The following TOP2B variants were observed in gnomAD, a reference collection of about 807,000 sequenced individuals.
TOP2B encodes the protein DNA topoisomerase 2-beta.
In TOP2B, 51 loss-of-function variants were observed where a neutral mutation model predicts 193.5. The ratio of observed to expected loss-of-function variants is 0.26; its 90% CI spans 0.21 to 0.33. The LOEUF is 0.33. TOP2B is among the 10% of genes least tolerant of loss of function. The pLI is 1.00. For missense variants in TOP2B, 1,378 were observed against 1,909.3 expected, an observed-to-expected ratio of 0.72 and a Z score of 5.19; for synonymous variants, 634 against 635.7, an observed-to-expected ratio of 1.00 and a Z score of 0.04.
intron 1 of TOP2B, among the ~76,000 whole-genome samples, chr3:25,647,566 GTCTA>G (rs758672379): frequency 2.6e-5 from 4 of 151,762 alleles, no homozygotes; most frequent in Non-Finnish European, 5.9e-5. Context: ...AGAGGCTCAT[GTCTA>G]TCTAATTTGT....
intron 7 of TOP2B, among the ~76,000 whole-genome samples, chr3:25,635,392 T>C (rs1006373897): frequency 6.6e-6 from 1 of 152,218 alleles, no homozygotes; most frequent in Non-Finnish European, 1.5e-5. Context: ...ACAGAGTAAG[T>C]ATCTCACAGA....
intron 5 of TOP2B, 45 bp downstream of exon 5, chr3:25,638,120 T>A (rs1448554613): frequency 1.3e-6 from 2 of 1,498,580 alleles, no homozygotes; most frequent in East Asian, 4.9e-5. Flanking sequence ...ACATTTTATA[T>A]TAAGAAAACA....
chr3:25,634,330 G>GA (rs1485085395), intron 7 of TOP2B, among the ~76,000 whole-genome samples: 1 of 151,926 alleles, frequency 6.6e-6, no homozygotes, highest in Non-Finnish European at 1.5e-5. Flanking sequence ...GAACTAGCAG[G>GA]AAAAAAAGCT....
intron 33 of TOP2B, among the ~76,000 whole-genome samples, chr3:25,603,376 C>CT (rs986999994): frequency 5.9e-5 from 9 of 151,980 alleles, no homozygotes; most frequent in Non-Finnish European, 7.4e-5. Flanking sequence ...GTAGCTGGGA[C>CT]TACAGGCATG....
chr3:25,618,542 A>T, intron 24 of TOP2B, 33 bp from the exon 25 acceptor site: 3 of 1,573,200 alleles, frequency 1.9e-6, no homozygotes, highest in Non-Finnish European at 2.6e-6. Context: ...TAGGATCAAG[A>T]TAAGAGATTC....
rs1386156382 is a variant in TOP2B, at chr3:25,645,282, A to G, written c.240+18T>C. 4 of 1,510,284 alleles carry G rather than the reference A, an allele frequency of 2.6e-6. No individual in the cohort carries two copies. The East Asian group carries it at 9.3e-5, about 35-fold the overall frequency. 93.6% of individuals were successfully genotyped at this position (1,510,284 alleles called of 1,614,324 possible). On this transcript the variant is annotated intron_variant, in intron 2 of 35. Coordinates refer to ENST00000264331, the MANE Select transcript of TOP2B (RefSeq NM_001330700.2). ...AGATGCACATCTCCTAATTTCAATC[A>G]ATTTTAGCAATAATTACCTGCGTCA... is the stretch of plus-strand genomic sequence containing the variant.
At chr3:25,599,622 C>T in intron 34 of TOP2B, 93 bp from the exon 35 acceptor site, 1 of 1,189,728 alleles carries the variant, frequency 8.4e-7, no homozygotes, top group African/African-American at 1.5e-5. Flanking sequence ...TTTGGCATGC[C>T]CAATCAGTGG....
At chr3:25,624,071 G>A (rs567168991) in intron 20 of TOP2B, among the ~76,000 whole-genome samples, 1 of 152,202 alleles carries the variant, frequency 6.6e-6, no homozygotes, top group African/African-American at 2.4e-5. Context: ...AGTAAAGTTG[G>A]TGAGAAAAAC....
At chr3:25,662,707 A>T (rs1162350839) in intron 1 of TOP2B, among the ~76,000 whole-genome samples, 2 of 152,232 alleles carry the variant, frequency 1.3e-5, no homozygotes, top group African/African-American at 4.8e-5. Flanking sequence ...AGTTAATTAA[A>T]GTACTGCTAT....
chr3:25,627,986 A>G (rs1293029135), intron 15 of TOP2B, among the ~76,000 whole-genome samples: 1 of 151,716 alleles, frequency 6.6e-6, no homozygotes, highest in Non-Finnish European at 1.5e-5. Context: ...ACTTGAACAC[A>G]TGAGGAAGAG....
intron 3 of TOP2B, among the ~76,000 whole-genome samples, chr3:25,642,780 T>C (rs1703301234): frequency 6.6e-6 from 1 of 152,174 alleles, no homozygotes; most frequent in African/African-American, 2.4e-5. Flanking sequence ...AACTAGTGAC[T>C]TTATAGGCAT....
At chr3:25,640,002 T>A (rs2125390405) in intron 4 of TOP2B, among the ~76,000 whole-genome samples, 1 of 152,234 alleles carries the variant, frequency 6.6e-6, no homozygotes, top group Non-Finnish European at 1.5e-5. Context: ...ACTCAAAGGA[T>A]ACAAAAATGG....
At chr3:25,644,962 A>ATCT (rs1559506679) in intron 2 of TOP2B, among the ~76,000 whole-genome samples, 1 of 144,652 alleles carries the variant, frequency 6.9e-6, no homozygotes, top group Non-Finnish European at 1.5e-5. Context: ...CACCCAGAAA[A>ATCT]TTTTTTTTTT....
intron 23 of TOP2B, among the ~76,000 whole-genome samples, chr3:25,619,275 T>C (rs536552679): frequency 1.3e-5 from 2 of 152,244 alleles, no homozygotes; most frequent in African/African-American, 4.8e-5. Context: ...GCTTTCACAT[T>C]TACTTGTGCT....
intron 2 of TOP2B, 85 bp downstream of exon 2, chr3:25,645,215 A>C: frequency 1.6e-6 from 2 of 1,231,910 alleles, no homozygotes; most frequent in Non-Finnish European, 2.2e-6. Context: ...TTCCAAAGCA[A>C]GTAATTACAA....
rs1702828455 is a variant in TOP2B, at chr3:25,627,302, CA to C, written c.1907-7del. ...AGCTGTACTAGTACCCAATCCTGCA[CA>C]ATTTTAAAAATAAAAGTGAGTCATG... is the stretch of plus-strand genomic sequence containing the variant. On this transcript the variant is annotated splice_polypyrimidine_tract_variant and splice_region_variant and intron_variant, in intron 15 of 35. Transcript: ENST00000264331. The C allele has an allele frequency of 6.5e-7, 1 of 1,539,622 alleles. No homozygotes were observed. The highest frequency in any genetic ancestry group is 1.4e-5 in the African/African-American group (1 of 71,600).
intron 1 of TOP2B, among the ~76,000 whole-genome samples, chr3:25,654,225 T>C (rs1703679948): frequency 6.6e-6 from 1 of 152,154 alleles, no homozygotes; most frequent in Non-Finnish European, 1.5e-5. Flanking sequence ...GAAAAACTAT[T>C]ACAACTAATA....
intron 3 of TOP2B, 73 bp downstream of exon 3, chr3:25,643,621 C>G (rs943280465): frequency 6.5e-5 from 74 of 1,140,234 alleles, no homozygotes; most frequent in Non-Finnish European, 9.3e-5. Flanking sequence ...CTGGTTAAGT[C>G]TGGCTTTATA....
chr3:25,618,062 G>A, intron 25 of TOP2B: 1 of 202,956 alleles, frequency 4.9e-6, no homozygotes, highest in East Asian at 1.2e-4. Context: ...CTGATTCTGG[G>A]TGCAACCAGT....
Sources: gnomAD v4.1 joint callset for allele counts (sites outside exome capture counted in the v4.1 genomes callset) on GRCh38, gnomAD v4.1.1 for gene constraint, MANE v1.5 for transcripts, NCBI Gene and HGNC (gene_info 2026-07-23, HGNC 2026-07-21) for gene names.